The following PRDM16 variants were observed in gnomAD, a reference collection of about 807,000 sequenced individuals.
The protein encoded by PRDM16 is histone-lysine N-methyltransferase PRDM16.
A neutral mutation model predicts 110.6 loss-of-function variants in PRDM16; 23 were observed. That is an observed-to-expected ratio of 0.21 (90% CI 0.15 to 0.29). PRDM16 has a LOEUF of 0.29. Among genes scored for constraint, PRDM16 ranks in the 10% least tolerant of loss-of-function variants. PRDM16 has a pLI of 1.00. For synonymous variants in PRDM16, 799 were observed against 781.8 expected (o/e 1.02, Z -0.37); for missense variants, 1,615 against 1,794.3 (o/e 0.90, Z 1.81).
Position 3,417,945 on chromosome 1 carries a change from C to T in PRDM16, c.2809C>T (p.Pro937Ser). 6.2e-7 allele frequency: 1 copy of T among 1,613,292 alleles called. No homozygotes were observed. The highest frequency in any genetic ancestry group is 8.5e-7 in the Non-Finnish European group (1 of 1,179,900). The change falls in exon 11 of 17, where the codon CCA (proline) becomes TCA (serine). Residue 937 changes from proline to serine, a missense_variant. By Grantham distance (74) the Pro-to-Ser change is moderately conservative (BLOSUM62 -1). Transcript: ENST00000270722. ...HHPFNFRSPP[P>S]TLSDPILRKG... Reference sequence around the variant, plus strand: ...CCCCTTCAACTTCCGGTCCCCACCCCCAACGCTCTCCGACCCCATCCTCAG... The same window carrying T: ...CCCCTTCAACTTCCGGTCCCCACCCTCAACGCTCTCCGACCCCATCCTCAG...
At chr1:3,113,744 G>A (rs966123626) in intron 1 of PRDM16, among the ~76,000 whole-genome samples, 5 of 152,224 alleles carry the variant, frequency 3.3e-5, no homozygotes, top group Non-Finnish European at 7.3e-5. Context: ...GTGCCCCAGG[G>A]CAGAACCCCC....
intron 4 of PRDM16, among the ~76,000 whole-genome samples, chr1:3,387,735 TCTC>T (rs1236547671): frequency 6.6e-6 from 1 of 152,174 alleles, no homozygotes; most frequent in Admixed American, 6.5e-5. Flanking sequence ...GGCAGCTTCT[TCTC>T]CTGAAATCTC....
chr1:3,373,430 CG>C (rs1359238065), intron 3 of PRDM16, among the ~76,000 whole-genome samples: 1 of 152,152 alleles, frequency 6.6e-6, no homozygotes, highest in Non-Finnish European at 1.5e-5. Context: ...CCAGGGGGTT[CG>C]GGGGGAAGTC....
At chr1:3,231,886 G>A (rs758975726) in intron 2 of PRDM16, among the ~76,000 whole-genome samples, 3 of 152,230 alleles carry the variant, frequency 2.0e-5, no homozygotes, top group African/African-American at 7.2e-5. Flanking sequence ...ACCCTGGGGG[G>A]TCCCGGCTGC....
intron 1 of PRDM16, among the ~76,000 whole-genome samples, chr1:3,077,787 A>G (rs1336736714): frequency 6.6e-6 from 1 of 152,104 alleles, no homozygotes; most frequent in Non-Finnish European, 1.5e-5. Context: ...CCAGCACTGT[A>G]TCGTTGCTGT....
intron 3 of PRDM16, among the ~76,000 whole-genome samples, chr1:3,297,921 C>G (rs779284037): frequency 1.3e-5 from 2 of 151,798 alleles, no homozygotes; most frequent in African/African-American, 4.9e-5. Flanking sequence ...ATGGCAAGCT[C>G]CACAGGGGCC....
chr1:3,329,821 G>T (rs959419999), intron 3 of PRDM16, among the ~76,000 whole-genome samples: 1 of 152,252 alleles, frequency 6.6e-6, no homozygotes, highest in Non-Finnish European at 1.5e-5. Flanking sequence ...CACTGGTTAT[G>T]GTGGGCTGTG....
chr1:3,294,109 G>C (rs917234004), intron 3 of PRDM16, among the ~76,000 whole-genome samples: 1 of 152,132 alleles, frequency 6.6e-6, no homozygotes, highest in African/African-American at 2.4e-5. Context: ...AGAAATGATG[G>C]TACCTACCTA....
chr1:3,408,684 G>A (rs1209739355), intron 8 of PRDM16, among the ~76,000 whole-genome samples: 1 of 151,602 alleles, frequency 6.6e-6, no homozygotes, highest in African/African-American at 2.4e-5. Context: ...GTGTGAGCAC[G>A]TGAGCCGGTG....
intron 2 of PRDM16, among the ~76,000 whole-genome samples, chr1:3,223,367 G>C (rs1639218558): frequency 6.6e-6 from 1 of 152,118 alleles, no homozygotes; most frequent in Admixed American, 6.6e-5. Flanking sequence ...GCTGCTAGAA[G>C]CGCTGCTGAT....
At chr1:3,126,140 G>A (rs1216045397) in intron 1 of PRDM16, among the ~76,000 whole-genome samples, 2 of 152,180 alleles carry the variant, frequency 1.3e-5, no homozygotes, top group African/African-American at 4.8e-5. Flanking sequence ...CAATAAACGC[G>A]GGGAGAAAGG....
At chr1:3,140,268 A>G (rs1301544273) in intron 1 of PRDM16, among the ~76,000 whole-genome samples, 1 of 152,162 alleles carries the variant, frequency 6.6e-6, no homozygotes, top group African/African-American at 2.4e-5. Flanking sequence ...CTGGCCTTAA[A>G]TCAAGGGTGG....
rs1642883406 is a variant in PRDM16, at chr1:3,370,198, C to T, written c.439-14954C>T. 6.6e-6 allele frequency among the ~76,000 whole-genome samples: 1 copy of T among 152,134 alleles called. No individual in the cohort carries two copies. Among genetic ancestry groups the T allele is most frequent in the African/African-American group, 2.4e-5 (1 of 41,414 alleles). On this transcript the variant is annotated intron_variant, in intron 3 of 16. Transcript: ENST00000270722. The surrounding 1 kb of genome is among the most constrained non-coding windows in gnomAD (Gnocchi z 4.8). ...TGGCCTCTGCTTTGGGGAGACTGGC[C>T]ACTGTGACACTGCACCTAGGGGAAA... is the stretch of plus-strand genomic sequence containing the variant.
chr1:3,386,045 T>C (rs1462221583), intron 4 of PRDM16, among the ~76,000 whole-genome samples: 2 of 152,210 alleles, frequency 1.3e-5, no homozygotes, highest in Admixed American at 6.5e-5. Flanking sequence ...GATTTCTCTA[T>C]TTCAAGCTTG....
chr1:3,116,131 C>T (rs558217437), intron 1 of PRDM16, among the ~76,000 whole-genome samples: 21 of 152,206 alleles, frequency 1.4e-4, no homozygotes, highest in Non-Finnish European at 2.5e-4. Flanking sequence ...AAGGTCAGGC[C>T]TAGCGTGGGT....
rs181883558 is a variant in PRDM16, at chr1:3,423,914, G to A, written c.2940-1667G>A. 3.0e-3 allele frequency among the ~76,000 whole-genome samples: 461 copies of A among 152,364 alleles called. 4 individuals are homozygous for A. Among genetic ancestry groups the A allele is most frequent in the African/African-American group, 0.01 (426 of 41,576 alleles). Reference sequence around the variant, plus strand: ...TCATATAAACAGAATGTTCAAGTGCGTGTGTGCCTGTGGGATCAGATGAGC... The same window carrying A: ...TCATATAAACAGAATGTTCAAGTGCATGTGTGCCTGTGGGATCAGATGAGC... On this transcript the variant is annotated intron_variant, in intron 12 of 16. Transcript: ENST00000270722.
At position 3,199,622 on chromosome 1, in the gene PRDM16, G is replaced by A. The variant is rs536358861; in HGVS notation, c.387+13148G>A. On this transcript the variant is annotated intron_variant, in intron 2 of 16. Transcript: ENST00000270722. ...GAGCTAGGTTTGCACTGGAGCTGCC[G>A]GGCCCCCTCAAAGCATCCTCATCCC... 5.3e-5 allele frequency among the ~76,000 whole-genome samples: 8 copies of A among 152,254 alleles called. No homozygotes were observed. The South Asian group carries it at 6.2e-4, about 12-fold the overall frequency.
intron 3 of PRDM16, among the ~76,000 whole-genome samples, chr1:3,247,915 A>G (rs1277996789): frequency 6.6e-6 from 1 of 152,228 alleles, no homozygotes; most frequent in African/African-American, 2.4e-5. Context: ...CTTAGAGGGA[A>G]AGCCCGGGGG....
At chr1:3,357,386 G>A (rs529693440) in intron 3 of PRDM16, among the ~76,000 whole-genome samples, 5 of 150,406 alleles carry the variant, frequency 3.3e-5, no homozygotes, top group South Asian at 2.1e-4. Flanking sequence ...ACCTTCAGCC[G>A]TGTGCTTCCC....
Sources: allele counts gnomAD v4.1 joint callset (sites outside exome capture counted in the v4.1 genomes callset), GRCh38; gene constraint gnomAD v4.1.1; non-coding constraint Gnocchi (gnomAD v3.1); transcripts MANE v1.5; gene names NCBI Gene and HGNC (gene_info 2026-07-23, HGNC 2026-07-21).